Variants in BACH2 observed in about 807,000 individuals in gnomAD.
BACH2 encodes the protein BACH transcriptional regulator 2.
BACH2 carries 5 observed loss-of-function variants against 61.8 expected under a neutral mutation model. The observed-to-expected ratio is 0.08, with a 90% CI of 0.04 to 0.17. The LOEUF is 0.17. Ranked by LOEUF, BACH2 falls within the 10% of genes least tolerant of loss-of-function variation. The probability of loss-of-function intolerance (pLI) is 1.00; values close to 1 mark genes in which losing one functional copy is unlikely to be tolerated. For missense variants in BACH2, 824 were observed against 1,091.1 expected, an observed-to-expected ratio of 0.76 and a Z score of 3.45; for synonymous variants, 446 against 440.1, an observed-to-expected ratio of 1.01 and a Z score of -0.17.
intron 4 of BACH2, among the ~76,000 whole-genome samples, chr6:90,112,380 C>A (rs749675474): frequency 2.0e-5 from 3 of 152,082 alleles, no homozygotes; most frequent in Non-Finnish European, 4.4e-5. Context: ...CAAAGGGATC[C>A]CCATCAGGCT....
chr6:90,060,031 C>A (rs1303613957), intron 5 of BACH2, among the ~76,000 whole-genome samples: 2 of 149,704 alleles, frequency 1.3e-5, no homozygotes, highest in Non-Finnish European at 3.0e-5. Context: ...TGCTAAATGA[C>A]GAGTTAATGG....
chr6:90,068,346 C>T (rs1389280640), intron 5 of BACH2, among the ~76,000 whole-genome samples: 1 of 152,168 alleles, frequency 6.6e-6, no homozygotes, highest in Admixed American at 6.5e-5. Flanking sequence ...ATCAGAAAAT[C>T]CCTGTCCTCA....
At chr6:90,204,477 C>T (rs1769071255) in intron 4 of BACH2, among the ~76,000 whole-genome samples, 1 of 152,132 alleles carries the variant, frequency 6.6e-6, no homozygotes, top group Non-Finnish European at 1.5e-5. Flanking sequence ...TTAATCACTA[C>T]TTTCAATTAA....
chr6:90,033,046 T>C (rs1399485404), intron 5 of BACH2, among the ~76,000 whole-genome samples: 1 of 152,158 alleles, frequency 6.6e-6, no homozygotes, highest in East Asian at 1.9e-4. Flanking sequence ...GATGAGTTCA[T>C]GTCCTTTGTA....
chr6:89,979,542 G>C lies in BACH2; in HGVS notation c.244-27680C>G, dbSNP rs1775839316. ...CCCAAATGGCCATTTCCCATCTACT[G>C]AAATTCTACCCACATCTCCCTCTCC... is the stretch of plus-strand genomic sequence containing the variant. On this transcript the variant is annotated intron_variant, in intron 6 of 8. Transcript: ENST00000257749. Among the ~76,000 whole-genome samples the C allele has an allele frequency of 2.0e-5, 3 of 152,258 alleles. No homozygotes were observed. In the South Asian group the frequency reaches 6.2e-4, roughly 32 times the overall value.
chr6:90,046,965 A>C (rs9362715), intron 5 of BACH2, among the ~76,000 whole-genome samples: 66,928 of 151,810 alleles, frequency 0.44, 17,435 homozygotes, highest in East Asian at 0.82. Context: ...GAGATTCACT[A>C]CTGTCACCCA....
intron 4 of BACH2, among the ~76,000 whole-genome samples, chr6:90,111,296 G>A (rs1254776901): frequency 6.6e-6 from 1 of 152,158 alleles, no homozygotes; most frequent in Non-Finnish European, 1.5e-5. Context: ...AAGCCTCCTT[G>A]ATGGTCTCTA....
chr6:90,110,236 C>G (rs1783109416), intron 4 of BACH2, among the ~76,000 whole-genome samples: 1 of 152,154 alleles, frequency 6.6e-6, no homozygotes, highest in African/African-American at 2.4e-5. Flanking sequence ...TGTGGATATT[C>G]TCTGATTCTA....
intron 4 of BACH2, among the ~76,000 whole-genome samples, chr6:90,145,572 A>G (rs1483856659): frequency 6.6e-6 from 1 of 152,222 alleles, no homozygotes; most frequent in Non-Finnish European, 1.5e-5. Context: ...AGAATGATGG[A>G]AAAATGCTTG....
intron 4 of BACH2, among the ~76,000 whole-genome samples, chr6:90,197,745 ACTC>A (rs1477902989): frequency 6.6e-6 from 1 of 151,814 alleles, no homozygotes; most frequent in Admixed American, 6.6e-5. Context: ...TGCAATTAAA[ACTC>A]CTGATGAAGG....
chr6:90,144,185 C>G (rs139612429), intron 4 of BACH2, among the ~76,000 whole-genome samples: 68 of 152,292 alleles, frequency 4.5e-4, no homozygotes, highest in African/African-American at 1.5e-3. Context: ...ATTTAAAAAA[C>G]TGATTCCAAT....
intron 4 of BACH2, among the ~76,000 whole-genome samples, chr6:90,164,529 T>C (rs7382036): frequency 0.022 from 3,409 of 151,874 alleles, 61 homozygotes; most frequent in East Asian, 0.072. Context: ...TTCCAATCAA[T>C]AGAAAAAGAG....
intron 3 of BACH2, among the ~76,000 whole-genome samples, chr6:90,209,743 G>A (rs1046486795): frequency 2.6e-5 from 4 of 152,154 alleles, no homozygotes; most frequent in Non-Finnish European, 5.9e-5. Context: ...TAAATAGCTT[G>A]CACTAAACTG....
chr6:90,172,011 T>C (rs1177398547), intron 4 of BACH2, among the ~76,000 whole-genome samples: 1 of 151,774 alleles, frequency 6.6e-6, no homozygotes, highest in Non-Finnish European at 1.5e-5. Context: ...TAATCTTACG[T>C]TTAAGAAATT....
intron 4 of BACH2, among the ~76,000 whole-genome samples, chr6:90,133,021 T>C (rs1784129470): frequency 1.3e-5 from 2 of 152,230 alleles, no homozygotes; most frequent in Non-Finnish European, 2.9e-5. Flanking sequence ...TGGTGATAAG[T>C]AGAGTACTTC....
At chr6:90,169,949 C>T (rs1767756236) in intron 4 of BACH2, among the ~76,000 whole-genome samples, 1 of 152,152 alleles carries the variant, frequency 6.6e-6, no homozygotes, top group Non-Finnish European at 1.5e-5. Flanking sequence ...TTTCCAGTTT[C>T]ATGCTATTTT....
chr6:90,141,334 C>T (rs1784450760), intron 4 of BACH2, among the ~76,000 whole-genome samples: 1 of 151,994 alleles, frequency 6.6e-6, no homozygotes, highest in African/African-American at 2.4e-5. Flanking sequence ...GCGCATGCCA[C>T]CATATCCAGC....
At chr6:90,028,087 T>A (rs916321419) in intron 5 of BACH2, among the ~76,000 whole-genome samples, 6 of 152,216 alleles carry the variant, frequency 3.9e-5, no homozygotes, top group African/African-American at 1.4e-4. Flanking sequence ...TGCTGGCAAC[T>A]TCGGCCATGA....
At chr6:90,065,270 CTTTTTTTTTTTTTT>C (rs71027920) in intron 5 of BACH2, among the ~76,000 whole-genome samples, 25 of 52,668 alleles carry the variant, frequency 4.7e-4, no homozygotes, top group African/African-American at 6.7e-4. Context: ...GCCGCCCCCA[CTTTTTTTTTTTTTT>C]TTTTTTTTTT....
Sources: gnomAD v4.1 joint callset for allele counts (sites outside exome capture counted in the v4.1 genomes callset) on GRCh38, gnomAD v4.1.1 for gene constraint, MANE v1.5 for transcripts, NCBI Gene and HGNC (gene_info 2026-07-23, HGNC 2026-07-21) for gene names.